Variants in GLYATL2 observed in about 807,000 individuals in gnomAD.
GLYATL2 encodes the protein glycine-N-acyltransferase like 2.
Under a neutral mutation model 21.4 loss-of-function variants are expected in GLYATL2, and 25 were observed. That is an observed-to-expected ratio of 1.17 (90% CI 0.85 to 1.63). GLYATL2 has a LOEUF of 1.63. Ranked by LOEUF, GLYATL2 falls within the 40% of genes most tolerant of loss-of-function variation. The pLI, the probability that GLYATL2 is intolerant of heterozygous loss-of-function variation, is 0.00. For missense variants in GLYATL2, 361 were observed against 343.3 expected (o/e 1.05, Z -0.41); for synonymous variants, 114 against 118.2 (o/e 0.96, Z 0.23).
chr11:58,844,002 T>C (rs1853598665), intron 1 of GLYATL2, among the ~76,000 whole-genome samples: 2 of 152,192 alleles, frequency 1.3e-5, no homozygotes. Context: ...AAAAGCATTG[T>C]TTTATTCTAG....
chr11:58,874,164 A>C (rs1047406495), intron 1 of GLYATL2, among the ~76,000 whole-genome samples: 4 of 151,834 alleles, frequency 2.6e-5, no homozygotes, highest in Admixed American at 1.3e-4. Flanking sequence ...TATTGCATCT[A>C]TTTGATTCTC....
intron 1 of GLYATL2, among the ~76,000 whole-genome samples, chr11:58,895,499 C>A (rs1447103482): frequency 1.3e-5 from 2 of 152,164 alleles, no homozygotes; most frequent in Non-Finnish European, 2.9e-5. Context: ...GTTTCCTTCT[C>A]ATTCCTCTTT....
At chr11:58,851,208 C>T (rs536443393) in intron 1 of GLYATL2, among the ~76,000 whole-genome samples, 11 of 152,274 alleles carry the variant, frequency 7.2e-5, no homozygotes, top group Admixed American at 5.2e-4. Flanking sequence ...TAGTGGTCCC[C>T]CGGGCCCAGT....
upstream of GLYATL2, chr11:58,905,405 C>G (rs887931345): frequency 2.2e-6 from 1 of 448,180 alleles, no homozygotes; most frequent in African/African-American, 2.0e-5. Context: ...GATGCACGTC[C>G]CGCCACCGCC....
At chr11:58,891,432 G>A (rs1234894010) in intron 1 of GLYATL2, among the ~76,000 whole-genome samples, 1 of 152,180 alleles carries the variant, frequency 6.6e-6, no homozygotes, top group Non-Finnish European at 1.5e-5. Flanking sequence ...TGGCTGTAAA[G>A]ACATTGTCAC....
chr11:58,844,789 A>G (rs1446955176), upstream of GLYATL2: 1 of 152,206 alleles, frequency 6.6e-6, no homozygotes. Flanking sequence ...TCAATTTTCC[A>G]TTGTTGGCAA....
rs1451387315 is a variant in GLYATL2 at position 58,839,554 on chromosome 11, C to G, written c.59G>C (p.Ser20Thr). ...LQILYKSLEK[S>T]IPESIKVYGA... ...CGTTACCTTTATGGATTCAGGGATG[C>G]TCTTTTCTAAGGATTTATACAGAAT... Residue 20 changes from serine to threonine, a missense_variant, in exon 2 of 6, where the codon AGC becomes ACC. Coordinates refer to ENST00000287275, the MANE Select transcript of GLYATL2 (RefSeq NM_145016.4). The G allele has an allele frequency of 3.1e-6, 5 of 1,610,616 alleles. No individual in the cohort carries two copies. The highest frequency in any genetic ancestry group is 3.4e-6 in the Non-Finnish European group (4 of 1,177,466).
chr11:58,892,783 TA>T, intron 1 of GLYATL2: 1 of 334,156 alleles, frequency 3.0e-6, no homozygotes. Flanking sequence ...ATGCCTGCAA[TA>T]AAAGCAAGCT....
chr11:58,905,773 G>A (rs1854858466), upstream of GLYATL2: 3 of 385,234 alleles, frequency 7.8e-6, no homozygotes, highest in East Asian at 7.4e-5. Context: ...CAGTCCCCTC[G>A]GCCTGGCCGT....
intron 1 of GLYATL2, among the ~76,000 whole-genome samples, chr11:58,864,025 C>G (rs1196523243): frequency 6.6e-6 from 1 of 152,102 alleles, no homozygotes; most frequent in Non-Finnish European, 1.5e-5. Flanking sequence ...GGCTGCCAAC[C>G]TGGAACTGGG....
chr11:58,855,841 G>T (rs1853818721), intron 1 of GLYATL2, among the ~76,000 whole-genome samples: 1 of 152,132 alleles, frequency 6.6e-6, no homozygotes, highest in African/African-American at 2.4e-5. Flanking sequence ...TTATGAAAAT[G>T]GGCCAGGTGT....
upstream of GLYATL2, among the ~76,000 whole-genome samples, chr11:58,849,237 A>T (rs1304601589): frequency 1.3e-5 from 2 of 152,202 alleles, no homozygotes; most frequent in Non-Finnish European, 2.9e-5. Context: ...ATAAATAATC[A>T]CCAGAAGTTT....
chr11:58,894,375 T>G (rs1001144530), intron 1 of GLYATL2, among the ~76,000 whole-genome samples: 9 of 144,454 alleles, frequency 6.2e-5, no homozygotes, highest in East Asian at 2.1e-4. Flanking sequence ...TCCCTGATCT[T>G]AAAAAAGAAT....
In GLYATL2 at chr11:58,840,894, A is replaced by G. The variant is rs187182065; in HGVS notation, c.-40-1242T>C. The stretch of plus-strand genomic sequence containing the variant: ...ATAAAATAAAATAAAAATTAAAAAA[A>G]TAATAATATAAAGATGCATAGGTGA... On this transcript the variant is annotated intron_variant, in intron 1 of 5. Coordinates refer to ENST00000287275, the MANE Select transcript of GLYATL2 (RefSeq NM_145016.4). The G allele has an allele frequency of 6.3e-3, 945 of 151,048 alleles. 10 individuals are homozygous for G. The highest frequency in any genetic ancestry group is 0.022 in the African/African-American group (896 of 41,388). The allele number at this position is 151,048 out of a possible 1,614,324, so 9.4% of individuals were successfully genotyped here. A position where few individuals can be genotyped will look rare whatever the true frequency, so the allele number is the denominator to read the frequency against.
intron 1 of GLYATL2, among the ~76,000 whole-genome samples, chr11:58,861,069 T>C (rs1309061332): frequency 1.3e-5 from 2 of 152,088 alleles, no homozygotes; most frequent in Non-Finnish European, 2.9e-5. Flanking sequence ...TGTTGAAGTG[T>C]CCCTATCTTT....
chr11:58,854,646 C>A (rs1565094230), intron 1 of GLYATL2, among the ~76,000 whole-genome samples: 1 of 151,726 alleles, frequency 6.6e-6, no homozygotes, highest in Non-Finnish European at 1.5e-5. Context: ...AACAAATAAG[C>A]TTGTTGCATT....
At chr11:58,907,360 G>C (rs758739520), upstream of GLYATL2, 1 of 456,274 alleles carries the variant, frequency 2.2e-6, no homozygotes, top group South Asian at 1.5e-5. Context: ...CACTGGCCTG[G>C]AATCCCTCAC....
chr11:58,906,019 T>C (rs1214642739), upstream of GLYATL2, among the ~76,000 whole-genome samples: 1 of 152,192 alleles, frequency 6.6e-6, no homozygotes, highest in Non-Finnish European at 1.5e-5. Context: ...AAAGTTCAGC[T>C]TAGACAGGCA....
intron 1 of GLYATL2, among the ~76,000 whole-genome samples, chr11:58,856,661 G>A (rs1853833082): frequency 6.6e-6 from 1 of 152,200 alleles, no homozygotes; most frequent in Non-Finnish European, 1.5e-5. Flanking sequence ...AGGAGAGGGA[G>A]AGAGTCTGGG....
Sources: gnomAD v4.1 joint callset for allele counts (sites outside exome capture counted in the v4.1 genomes callset) on GRCh38, gnomAD v4.1.1 for gene constraint, MANE v1.5 for transcripts, NCBI Gene and HGNC (gene_info 2026-07-23, HGNC 2026-07-21) for gene names.